IGFL2: variants seen among roughly 807,000 people sequenced by gnomAD.
IGFL2 encodes insulin growth factor-like family member 2.
IGFL2 carries 7 observed loss-of-function variants against 13.9 expected under a neutral mutation model. The ratio of observed to expected loss-of-function variants is 0.51; its 90% CI spans 0.29 to 0.95. IGFL2 has a LOEUF of 0.95. Among genes scored for constraint, IGFL2 ranks in the 40% least tolerant of loss-of-function variants. IGFL2 has a pLI of 0.08. For synonymous variants in IGFL2, 55 were observed against 55.8 expected (o/e 0.99, Z 0.07); for missense variants, 138 against 147.8 (o/e 0.93, Z 0.34).
Position 46,160,983 on chromosome 19 carries a change from G to A in IGFL2, c.342-87G>A, listed in dbSNP as rs1026829099. On this transcript the variant is annotated intron_variant, in intron 3 of 3. Coordinates refer to ENST00000377693, the MANE Select transcript of IGFL2 (RefSeq NM_001135113.2). ...ACTCCTTTTGAAGAGCCCTGGCCCT[G>A]TAGTCTAATCTCTAGCAGTTTCTCA... is the stretch of plus-strand genomic sequence containing the variant. 2.3e-5 allele frequency: 35 copies of A among 1,539,490 alleles called. 1 individual carries two copies. The highest frequency in any genetic ancestry group is 3.4e-5 in the South Asian group (3 of 87,996).
the IGFL2 span, among the ~76,000 whole-genome samples, chr19:46,088,476 A>G: frequency 6.6e-6 from 1 of 152,226 alleles, no homozygotes; most frequent in Non-Finnish European, 1.5e-5. Context: ...TGTAACATAT[A>G]TATTTACACT....
At chr19:46,192,863 C>G in the IGFL2 span, among the ~76,000 whole-genome samples, 247 of 152,184 alleles carry the variant, frequency 1.6e-3, 1 homozygote, top group African/African-American at 5.3e-3. Context: ...GTTTCAGTTA[C>G]CCATGATCAA....
chr19:46,157,902 A>G (rs1317804299), intron 1 of IGFL2, among the ~76,000 whole-genome samples: 1 of 152,230 alleles, frequency 6.6e-6, no homozygotes, highest in Non-Finnish European at 1.5e-5. Flanking sequence ...GAATCTAAAA[A>G]TGTACTCCTA....
At chr19:46,166,156 C>G (rs538945841), downstream of IGFL2, among the ~76,000 whole-genome samples, 5 of 152,170 alleles carry the variant, frequency 3.3e-5, no homozygotes, top group Admixed American at 2.0e-4. Flanking sequence ...ACATTAAGAA[C>G]AAGATACCTA....
chr19:46,117,907 C>T, the IGFL2 span, among the ~76,000 whole-genome samples: 1,841 of 152,258 alleles, frequency 0.012, 24 homozygotes, highest in Non-Finnish European at 0.022. Flanking sequence ...CCTTCCTTAG[C>T]CCCTGCTTGT....
the IGFL2 span, among the ~76,000 whole-genome samples, chr19:46,094,534 G>A: frequency 6.7e-6 from 1 of 148,226 alleles, no homozygotes; most frequent in Non-Finnish European, 1.5e-5. Context: ...AAATTTTATT[G>A]TATTTTAAGT....
the IGFL2 span, among the ~76,000 whole-genome samples, chr19:46,177,267 C>T: frequency 1.3e-5 from 2 of 152,038 alleles, no homozygotes; most frequent in African/African-American, 2.4e-5. Context: ...GTGGTGGGCA[C>T]CTATAATCCC....
At chr19:46,165,143 TCA>T (rs1974338461), downstream of IGFL2, among the ~76,000 whole-genome samples, 1 of 152,294 alleles carries the variant, frequency 6.6e-6, no homozygotes, top group East Asian at 1.9e-4. Context: ...CAAGCTAAAC[TCA>T]CAGTGAAGTG....
the IGFL2 span, among the ~76,000 whole-genome samples, chr19:46,093,700 G>A: frequency 6.6e-6 from 1 of 152,196 alleles, no homozygotes; most frequent in Admixed American, 6.5e-5. Flanking sequence ...AGACTACCAA[G>A]TCAATTAATA....
chr19:46,210,678 A>G, the IGFL2 span, among the ~76,000 whole-genome samples: 1 of 152,116 alleles, frequency 6.6e-6, no homozygotes, highest in Admixed American at 6.5e-5. Flanking sequence ...CCTGCTTTAT[A>G]TTCTGGCTCT....
the IGFL2 span, chr19:46,113,999 A>G: frequency 6.6e-6 from 1 of 152,286 alleles, no homozygotes; most frequent in Non-Finnish European, 1.5e-5. Flanking sequence ...CAGCCTGCCT[A>G]GGAAATCAAC....
the IGFL2 span, among the ~76,000 whole-genome samples, chr19:46,135,324 T>A: frequency 1.3e-5 from 2 of 152,194 alleles, no homozygotes; most frequent in Non-Finnish European, 2.9e-5. Flanking sequence ...ATGTCTCCTT[T>A]GTGCCCTCCC....
chr19:46,142,162 A>C (rs1267175696), upstream of IGFL2, among the ~76,000 whole-genome samples: 1 of 152,192 alleles, frequency 6.6e-6, no homozygotes, highest in African/African-American at 2.4e-5. Context: ...ACAAGCATCC[A>C]ATAACATAAA....
the IGFL2 span, among the ~76,000 whole-genome samples, chr19:46,081,722 G>GGCTCACC: frequency 6.6e-6 from 1 of 152,184 alleles, no homozygotes; most frequent in South Asian, 2.1e-4. Context: ...AGAGACTCCA[G>GGCTCACC]GCTCACCAGC....
At chr19:46,098,981 A>G in the IGFL2 span, among the ~76,000 whole-genome samples, 1 of 152,170 alleles carries the variant, frequency 6.6e-6, no homozygotes, top group African/African-American at 2.4e-5. Flanking sequence ...TTCCATATTT[A>G]GTGCTTCCTT....
the IGFL2 span, among the ~76,000 whole-genome samples, chr19:46,108,570 G>T: frequency 2.6e-5 from 4 of 152,096 alleles, no homozygotes; most frequent in Admixed American, 1.3e-4. Context: ...AGTGAAGGAG[G>T]CAAGCCCAGA....
At chr19:46,150,727 G>A (rs1973436097) in intron 1 of IGFL2, among the ~76,000 whole-genome samples, 1 of 152,160 alleles carries the variant, frequency 6.6e-6, no homozygotes, top group Non-Finnish European at 1.5e-5. Flanking sequence ...CTGGAGTGCA[G>A]TGGTGTGATC....
chr19:46,124,643 GC>G, the IGFL2 span: 2 of 1,608,970 alleles, frequency 1.2e-6, no homozygotes, highest in Non-Finnish European at 1.7e-6. Context: ...CAGCATCGTG[GC>G]CTCATGCTTC....
the IGFL2 span, among the ~76,000 whole-genome samples, chr19:46,085,256 G>C: frequency 3.4e-4 from 51 of 152,128 alleles, no homozygotes; most frequent in African/African-American, 8.2e-4. Flanking sequence ...AACACCAAAA[G>C]AAAACAAAAC....
Sources: allele counts gnomAD v4.1 joint callset (sites outside exome capture counted in the v4.1 genomes callset), GRCh38; gene constraint gnomAD v4.1.1; transcripts MANE v1.5; gene names NCBI Gene and HGNC (gene_info 2026-07-23, HGNC 2026-07-21).